IL1RAPL1: variants seen among roughly 807,000 people sequenced by gnomAD.
The protein encoded by IL1RAPL1 is interleukin 1 receptor accessory protein like 1, also known as interleukin-1 receptor accessory protein-like 1.
Under a neutral mutation model 48.4 loss-of-function variants are expected in IL1RAPL1, and 3 were observed. The ratio of observed to expected loss-of-function variants is 0.06; its 90% CI spans 0.03 to 0.16. The LOEUF is 0.16. IL1RAPL1 is among the 10% of genes least tolerant of loss of function. The pLI, the probability that IL1RAPL1 is intolerant of heterozygous loss-of-function variation, is 1.00. For synonymous variants in IL1RAPL1, 185 were observed against 187.7 expected (o/e 0.99, Z 0.12); for missense variants, 349 against 530.6 (o/e 0.66, Z 3.36).
chrX:29,403,930 A>T (rs1015003745), intron 5 of IL1RAPL1, among the ~76,000 whole-genome samples: 34 of 112,339 alleles, frequency 3.0e-4, no homozygotes, highest in African/African-American at 1.0e-3. Flanking sequence ...AGCCTTACAG[A>T]CTTCACTCAT....
At chrX:28,616,670 GATCC>G (rs1215141545) in intron 1 of IL1RAPL1, among the ~76,000 whole-genome samples, 1 of 111,601 alleles carries the variant, frequency 9.0e-6, no homozygotes, top group Non-Finnish European at 1.9e-5. Context: ...CTGACCTCAT[GATCC>G]ACCCACCTTG....
intron 2 of IL1RAPL1, among the ~76,000 whole-genome samples, chrX:29,254,438 G>C (rs1931719688): frequency 9.4e-6 from 1 of 106,723 alleles, no homozygotes; most frequent in African/African-American, 3.4e-5. Context: ...TGTGTAGATG[G>C]GTTTGTGTGT....
rs957138874 is a variant in IL1RAPL1 at position 29,029,118 on chromosome X, A to G, written c.82+239693A>G. Among the ~76,000 whole-genome samples, 7 of 111,162 alleles carry G rather than the reference A, an allele frequency of 6.3e-5. No homozygotes were observed. The East Asian group carries it at 1.4e-3, about 23-fold the overall frequency. On this transcript the variant is annotated intron_variant, in intron 2 of 10. Coordinates refer to ENST00000378993, the MANE Select transcript of IL1RAPL1 (RefSeq NM_014271.4). ...GGAAATGCTAGATGCTTATGAAACC[A>G]TCACATTTCATGAGAACTCACTTAC... is the stretch of plus-strand genomic sequence containing the variant.
intron 2 of IL1RAPL1, among the ~76,000 whole-genome samples, chrX:29,260,587 T>C (rs1020989421): frequency 4.5e-5 from 5 of 111,682 alleles, no homozygotes; most frequent in African/African-American, 1.6e-4. Flanking sequence ...TGGGGATTAT[T>C]ACAATTCAAG....
chrX:29,677,245 G>A (rs1255323853), intron 6 of IL1RAPL1, among the ~76,000 whole-genome samples: 1 of 111,994 alleles, frequency 8.9e-6, no homozygotes, highest in Non-Finnish European at 1.9e-5. Flanking sequence ...TAGGTTACCA[G>A]TATTTTATGC....
At chrX:29,147,123 A>G (rs968438886) in intron 2 of IL1RAPL1, among the ~76,000 whole-genome samples, 4 of 112,424 alleles carry the variant, frequency 3.6e-5, no homozygotes, top group South Asian at 3.7e-4. Context: ...GTTCCTTCCC[A>G]TAAGCAGACC....
intron 2 of IL1RAPL1, among the ~76,000 whole-genome samples, chrX:28,867,171 A>C (rs1001390388): frequency 8.9e-6 from 1 of 112,100 alleles, no homozygotes. Flanking sequence ...AGTGAGATGC[A>C]TCATCATGTG....
intron 5 of IL1RAPL1, among the ~76,000 whole-genome samples, chrX:29,498,139 GTTC>G (rs1935233372): frequency 8.9e-6 from 1 of 112,172 alleles, no homozygotes; most frequent in Non-Finnish European, 1.9e-5. Flanking sequence ...TAAATATTCA[GTTC>G]TTCTATTATT....
At position 28,931,435 on chromosome X, in the gene IL1RAPL1, A is replaced by G. The variant is rs770561619; in HGVS notation, c.82+142010A>G. ...ACATAGTTCCTAGTAGGGTATGTAA[A>G]TGATTCACTTTTAAATTATGAATAT... On this transcript the variant is annotated intron_variant, in intron 2 of 10. Coordinates refer to ENST00000378993, the MANE Select transcript of IL1RAPL1 (RefSeq NM_014271.4). Among the ~76,000 whole-genome samples, 444 of 112,255 alleles carry G rather than the reference A, an allele frequency of 4.0e-3. 2 individuals are homozygous for G. The highest frequency in any genetic ancestry group is 7.1e-3 in the Non-Finnish European group (377 of 53,272).
chrX:29,016,598 G>A (rs777197908), intron 2 of IL1RAPL1, among the ~76,000 whole-genome samples: 6 of 111,015 alleles, frequency 5.4e-5, no homozygotes, highest in African/African-American at 6.5e-5. Flanking sequence ...GGAACAAAAT[G>A]TACATTGTGA....
intron 2 of IL1RAPL1, among the ~76,000 whole-genome samples, chrX:28,902,966 T>G (rs1923117511): frequency 9.0e-6 from 1 of 111,520 alleles, no homozygotes; most frequent in African/African-American, 3.3e-5. Flanking sequence ...CCTGAAACCC[T>G]CCCCACCGTC....
intron 6 of IL1RAPL1, among the ~76,000 whole-genome samples, chrX:29,807,393 T>A (rs1007316340): frequency 3.7e-5 from 4 of 108,252 alleles, no homozygotes; most frequent in Non-Finnish European, 7.7e-5. Flanking sequence ...GACGGGCAAA[T>A]CACCTGAGGT....
At chrX:29,059,440 C>T (rs895544959) in intron 2 of IL1RAPL1, among the ~76,000 whole-genome samples, 2 of 111,780 alleles carry the variant, frequency 1.8e-5, no homozygotes, top group Non-Finnish European at 3.8e-5. Context: ...ATGGCAACCT[C>T]ATTTATTTAC....
At chrX:28,723,144 A>C (rs1935611885) in intron 1 of IL1RAPL1, among the ~76,000 whole-genome samples, 1 of 111,025 alleles carries the variant, frequency 9.0e-6, no homozygotes, top group Admixed American at 9.6e-5. Context: ...TTTTCTATTC[A>C]TTGGAATAGT....
chrX:29,469,096 C>G (rs747973154), intron 5 of IL1RAPL1, among the ~76,000 whole-genome samples: 1 of 112,076 alleles, frequency 8.9e-6, no homozygotes, highest in African/African-American at 3.2e-5. Flanking sequence ...CAAAAGAATT[C>G]TCTTTTCTCT....
At chrX:29,401,327 TG>T (rs1165300273) in intron 5 of IL1RAPL1, among the ~76,000 whole-genome samples, 1 of 111,597 alleles carries the variant, frequency 9.0e-6, no homozygotes, top group African/African-American at 3.3e-5. Context: ...TGTGAAATTT[TG>T]GGTTAATGTA....
At chrX:29,693,001 A>T (rs1926812586) in intron 6 of IL1RAPL1, among the ~76,000 whole-genome samples, 1 of 111,818 alleles carries the variant, frequency 8.9e-6, no homozygotes, top group Non-Finnish European at 1.9e-5. Flanking sequence ...TGAGCGGGAA[A>T]AGGTTTCACA....
intron 2 of IL1RAPL1, among the ~76,000 whole-genome samples, chrX:28,821,222 A>G (rs1468438822): frequency 8.9e-6 from 1 of 111,978 alleles, no homozygotes; most frequent in Non-Finnish European, 1.9e-5. Flanking sequence ...TAATACATGC[A>G]CATGTATACA....
Position 29,861,232 on chromosome X carries a change from G to T in IL1RAPL1, c.779-56232G>T, listed in dbSNP as rs1931576483. ...AATGCTCTAAAGAGAAGACTTTGTT[G>T]CCTCTTTTCTTCTTCATCTTAGGAA... On this transcript the variant is annotated intron_variant, in intron 6 of 10. Coordinates refer to ENST00000378993, the MANE Select transcript of IL1RAPL1 (RefSeq NM_014271.4). Among the ~76,000 whole-genome samples, 3 of 111,660 alleles carry T rather than the reference G, an allele frequency of 2.7e-5. No homozygotes were observed. The Admixed American group carries it at 2.9e-4, about 11-fold the overall frequency.
Sources: gnomAD v4.1 joint callset for allele counts (sites outside exome capture counted in the v4.1 genomes callset) on GRCh38, gnomAD v4.1.1 for gene constraint, MANE v1.5 for transcripts, NCBI Gene and HGNC (gene_info 2026-07-23, HGNC 2026-07-21) for gene names.